The following KCNIP4 variants were observed in gnomAD, a reference collection of about 807,000 sequenced individuals.
KCNIP4 encodes the protein potassium voltage-gated channel interacting protein 4.
Under a neutral mutation model 34.0 loss-of-function variants are expected in KCNIP4, and 12 were observed. The ratio of observed to expected loss-of-function variants is 0.35; its 90% CI spans 0.23 to 0.57. The LOEUF (loss-of-function observed/expected upper bound fraction) is 0.57. Ranked by LOEUF, KCNIP4 falls within the 20% of genes least tolerant of loss-of-function variation. KCNIP4 has a pLI of 0.83. For synonymous variants in KCNIP4, 124 were observed against 102.2 expected, an observed-to-expected ratio of 1.21 and a Z score of -1.29; for missense variants, 238 against 311.7, an observed-to-expected ratio of 0.76 and a Z score of 1.78.
intron 3 of KCNIP4, among the ~76,000 whole-genome samples, chr4:20,812,304 G>C (rs1715871240): frequency 6.6e-6 from 1 of 152,160 alleles, no homozygotes; most frequent in African/African-American, 2.4e-5. Flanking sequence ...AAGAGAAAGA[G>C]AGCAGGAATG....
chr4:20,852,325 C>T (rs12508171), intron 2 of KCNIP4, among the ~76,000 whole-genome samples: 34,534 of 151,996 alleles, frequency 0.23, 4,638 homozygotes, highest in East Asian at 0.4. Flanking sequence ...GTTTAACATA[C>T]GCAAGTCAAT....
At chr4:21,661,633 G>T (rs1408717739) in intron 1 of KCNIP4, among the ~76,000 whole-genome samples, 1 of 152,146 alleles carries the variant, frequency 6.6e-6, no homozygotes, top group East Asian at 1.9e-4. Flanking sequence ...GAACACTGTG[G>T]CTCAGAGTGA....
intron 1 of KCNIP4, among the ~76,000 whole-genome samples, chr4:21,769,103 G>A (rs1718610579): frequency 6.6e-6 from 1 of 151,686 alleles, no homozygotes; most frequent in African/African-American, 2.4e-5. Flanking sequence ...ACCTCCAGAA[G>A]TCTATACGAA....
At chr4:21,524,473 A>G (rs933042537) in intron 1 of KCNIP4, among the ~76,000 whole-genome samples, 1 of 152,162 alleles carries the variant, frequency 6.6e-6, no homozygotes, top group Non-Finnish European at 1.5e-5. Flanking sequence ...TGACTTATGC[A>G]ATAGCCACTA....
intron 1 of KCNIP4, among the ~76,000 whole-genome samples, chr4:21,201,557 G>A (rs1045642033): frequency 2.0e-5 from 3 of 152,112 alleles, no homozygotes; most frequent in African/African-American, 7.2e-5. Flanking sequence ...GGAGTGCAGT[G>A]GCATGATCTC....
At chr4:21,625,832 G>A (rs1745281463) in intron 1 of KCNIP4, among the ~76,000 whole-genome samples, 1 of 152,110 alleles carries the variant, frequency 6.6e-6, no homozygotes, top group Non-Finnish European at 1.5e-5. Flanking sequence ...TCATTACACT[G>A]TTCAAATACC....
chr4:21,841,093 A>G (rs1723649913), intron 1 of KCNIP4, among the ~76,000 whole-genome samples: 1 of 152,192 alleles, frequency 6.6e-6, no homozygotes, highest in Non-Finnish European at 1.5e-5. Flanking sequence ...TATTTTTAAA[A>G]TAACTATAAA....
chr4:21,228,800 C>T (rs900757950), intron 1 of KCNIP4, among the ~76,000 whole-genome samples: 3 of 152,064 alleles, frequency 2.0e-5, no homozygotes, highest in South Asian at 2.1e-4. Context: ...TTTCTCCTTC[C>T]GCTTATCCAA....
chr4:21,432,559 T>C (rs368694215), intron 1 of KCNIP4, among the ~76,000 whole-genome samples: 3 of 152,164 alleles, frequency 2.0e-5, no homozygotes, highest in African/African-American at 7.2e-5. Flanking sequence ...GAAATTTTAG[T>C]ATCTCTGCTC....
chr4:21,748,498 A>C (rs1341731284), intron 1 of KCNIP4, among the ~76,000 whole-genome samples: 2 of 152,192 alleles, frequency 1.3e-5, no homozygotes, highest in East Asian at 3.8e-4. Flanking sequence ...AAATATGAAA[A>C]CAGACCAAAA....
intron 1 of KCNIP4, among the ~76,000 whole-genome samples, chr4:20,905,515 T>TG: frequency 9.9e-6 from 1 of 100,778 alleles, no homozygotes; most frequent in Non-Finnish European, 2.2e-5. Context: ...CTTTCTTTTT[T>TG]TTTTTTTTTT....
At chr4:20,992,503 T>A (rs1166851625) in intron 1 of KCNIP4, among the ~76,000 whole-genome samples, 2 of 152,170 alleles carry the variant, frequency 1.3e-5, no homozygotes, top group Admixed American at 1.3e-4. Context: ...CAAGATTATA[T>A]GGAAAGAATA....
At chr4:21,262,258 T>C (rs909946265) in intron 1 of KCNIP4, among the ~76,000 whole-genome samples, 9 of 152,162 alleles carry the variant, frequency 5.9e-5, no homozygotes, top group Admixed American at 5.2e-4. Context: ...CCACACCCCA[T>C]AGCAGATGCT....
chr4:21,141,102 T>TA (rs1270911008), intron 1 of KCNIP4, among the ~76,000 whole-genome samples: 1 of 152,244 alleles, frequency 6.6e-6, no homozygotes, highest in African/African-American at 2.4e-5. Flanking sequence ...GTTATGTTCA[T>TA]AGTATACTGT....
intron 1 of KCNIP4, among the ~76,000 whole-genome samples, chr4:21,271,358 C>T (rs933884827): frequency 3.9e-5 from 6 of 152,176 alleles, no homozygotes; most frequent in African/African-American, 1.4e-4. Flanking sequence ...TAGTACTGAG[C>T]TTTCAGTCTA....
intron 1 of KCNIP4, among the ~76,000 whole-genome samples, chr4:21,631,868 G>T (rs1225630507): frequency 6.6e-6 from 1 of 152,062 alleles, no homozygotes; most frequent in Non-Finnish European, 1.5e-5. Flanking sequence ...AATGAGATTT[G>T]GTGTTCCATC....
intron 1 of KCNIP4, among the ~76,000 whole-genome samples, chr4:21,289,674 C>T (rs562770941): frequency 1.3e-5 from 2 of 152,108 alleles, no homozygotes; most frequent in Non-Finnish European, 1.5e-5. Context: ...GTCTTAAATG[C>T]GTCTGTGTAC....
In KCNIP4 at chr4:21,258,707, A is replaced by G. The variant is rs74649663; in HGVS notation, c.62-375998T>C. Among the ~76,000 whole-genome samples, 734 of 152,212 alleles carry G rather than the reference A, an allele frequency of 4.8e-3. 2 individuals are homozygous for G. The highest frequency in any genetic ancestry group is 0.025 in the South Asian group (121 of 4,824). ...AAGGCAAAAAACTGGTGATGCTGAG[A>G]CTGATTCTTGCCAATGTTATCTGTC... is the stretch of plus-strand genomic sequence containing the variant. On this transcript the variant is annotated intron_variant, in intron 1 of 8. Coordinates refer to ENST00000382152, the MANE Select transcript of KCNIP4 (RefSeq NM_025221.6).
intron 1 of KCNIP4, among the ~76,000 whole-genome samples, chr4:21,943,521 C>T (rs553605820): frequency 6.6e-6 from 1 of 151,918 alleles, no homozygotes; most frequent in Non-Finnish European, 1.5e-5. Context: ...GCCTGGGCAA[C>T]AGAGTGAGAC....
Sources: allele counts gnomAD v4.1 joint callset (sites outside exome capture counted in the v4.1 genomes callset), GRCh38; gene constraint gnomAD v4.1.1; transcripts MANE v1.5; gene names NCBI Gene and HGNC (gene_info 2026-07-23, HGNC 2026-07-21).